Variants in TSPAN19 observed in about 807,000 individuals in gnomAD.
TSPAN19 encodes tetraspanin-19.
Under a neutral mutation model 35.1 loss-of-function variants are expected in TSPAN19, and 44 were observed. The ratio of observed to expected loss-of-function variants is 1.25; its 90% CI spans 0.98 to 1.61. The LOEUF is 1.61. Among genes scored for constraint, TSPAN19 ranks in the 40% most tolerant of loss-of-function variants. TSPAN19 has a pLI of 0.00. For missense variants in TSPAN19, 290 were observed against 280.0 expected (o/e 1.04, Z -0.26); for synonymous variants, 79 against 92.0 (o/e 0.86, Z 0.81).
chr12:85,021,647 A>C (rs1877133129), intron 5 of TSPAN19, among the ~76,000 whole-genome samples: 1 of 152,132 alleles, frequency 6.6e-6, no homozygotes, highest in Non-Finnish European at 1.5e-5. Context: ...TTTGGTAAGC[A>C]TCTATGAAAG....
Position 85,029,763 on chromosome 12 carries a change from C to G in TSPAN19, c.95G>C (p.Gly32Ala). Residue 32 changes from glycine (G) to alanine (A), a missense_variant, in exon 3 of 9, where the codon GGT (glycine) becomes GCT (alanine). Physicochemically the swap from Gly to Ala is moderately conservative, Grantham distance 60. Transcript: ENST00000532498. The stretch of plus-strand genomic sequence containing the variant: ...ATTTCTATCTAATAAGAGCCATGCA[C>G]CAAATCCCATGAATAAAAGTCCAAG... ...LVLGLLFMGFGAWLLLDRNNF... is the reference protein window; with the variant it reads ...LVLGLLFMGFAAWLLLDRNNF... 6.5e-7 allele frequency: 1 copy of G among 1,543,766 alleles called. No individual in the cohort carries two copies. The highest frequency in any genetic ancestry group is 2.5e-5 in the East Asian group (1 of 40,756).
At chr12:85,025,519 C>CT (rs1400113615) in intron 4 of TSPAN19, among the ~76,000 whole-genome samples, 6 of 150,296 alleles carry the variant, frequency 4.0e-5, no homozygotes, top group Admixed American at 1.3e-4. Context: ...CATGGAATAG[C>CT]TTTTTTTGTT....
chr12:85,031,045 T>C (rs1877661389), intron 1 of TSPAN19, among the ~76,000 whole-genome samples: 1 of 152,100 alleles, frequency 6.6e-6, no homozygotes, highest in Admixed American at 6.6e-5. Context: ...GAAGGATCCT[T>C]TGAAAAGTGG....
intron 4 of TSPAN19, among the ~76,000 whole-genome samples, chr12:85,023,655 T>G (rs1160739213): frequency 6.6e-6 from 1 of 151,978 alleles, no homozygotes; most frequent in Non-Finnish European, 1.5e-5. Context: ...TCCAATAGAG[T>G]TGTCGATGAT....
intron 7 of TSPAN19, 148 bp downstream of exon 7, chr12:85,017,308 G>T (rs539252036): frequency 6.1e-6 from 4 of 650,676 alleles, no homozygotes; most frequent in East Asian, 2.9e-5. Context: ...ACCTAATTAC[G>T]TGTTCAACTT....
chr12:85,032,168 T>C (rs1338323876), intron 1 of TSPAN19, among the ~76,000 whole-genome samples: 3 of 152,170 alleles, frequency 2.0e-5, no homozygotes, highest in Non-Finnish European at 4.4e-5. Flanking sequence ...CTGTGGGTTA[T>C]GTCTCATAAG....
chr12:85,029,900 A>G lies in TSPAN19; in HGVS notation c.47T>C (p.Leu16Pro), dbSNP rs1276179892. 1 of 1,471,244 alleles carries G rather than the reference A, an allele frequency of 6.8e-7. No homozygotes were observed. The highest frequency in any genetic ancestry group is 9.2e-7 in the Non-Finnish European group (1 of 1,085,752). 91.1% of individuals were successfully genotyped at this position (1,471,244 alleles called of 1,614,324 possible). A position where few individuals can be genotyped will look rare whatever the true frequency, so the allele number is the denominator to read the frequency against. Residue 16 changes from leucine (L) to proline (P), a missense_variant, in exon 2 of 9, where the codon CTC (leucine) becomes CCC (proline). Leu to Pro is a moderately conservative substitution (Grantham distance 98). Transcript: ENST00000532498. ...TCTTACCAAGAAAGCTCCATTAATG[A>G]GATTAAGAAAGTACTTAATAATTAT... ...KTIIIKYFLN[L>P]INGAFLVLGL... is the part of the protein sequence containing the mutation.
At chr12:85,019,603 T>C in intron 6 of TSPAN19, 23 bp downstream of exon 6, 2 of 1,459,898 alleles carry the variant, frequency 1.4e-6, no homozygotes, top group Non-Finnish European at 1.9e-6. Context: ...TGACATCTAA[T>C]TTTTTAGTTA....
chr12:85,028,005 A>G lies in TSPAN19; in HGVS notation c.158T>C (p.Ile53Thr). Residue 53 changes from isoleucine (I) to threonine (T), a missense_variant, in exon 4 of 9, where the codon ATA (isoleucine) becomes ACA (threonine). Physicochemically the swap from Ile to Thr is moderately conservative, Grantham distance 89. Transcript: ENST00000532498. ...AATCAAAATTTGAGAAATAGGTACT[A>G]TGAAGTGATTATTTTCATCTGTGAA... is the stretch of plus-strand genomic sequence containing the variant. ...LTAFDENNHF[I>T]VPISQILIGM... 3.2e-6 allele frequency: 5 copies of G among 1,574,316 alleles called. No individual in the cohort carries two copies. The highest frequency in any genetic ancestry group is 4.3e-6 in the Non-Finnish European group (5 of 1,155,802).
chr12:85,033,820 A>G (rs1877790856), intron 1 of TSPAN19, among the ~76,000 whole-genome samples: 1 of 152,146 alleles, frequency 6.6e-6, no homozygotes, highest in South Asian at 2.1e-4. Flanking sequence ...TTGTAATAGT[A>G]CATGCCTCAA....
intron 4 of TSPAN19, 79 bp downstream of exon 4, chr12:85,027,820 T>C: frequency 5.1e-6 from 7 of 1,369,814 alleles, no homozygotes; most frequent in Admixed American, 2.5e-5. Context: ...CATGCTAATA[T>C]AAATCAGTAT....
rs1206673076 is a variant in TSPAN19, at chr12:85,014,533, AC to A, written c.700del (p.Val234PhefsTer10). ...TSEVFQVSLT[V>X]CFFKNIKNII... is the part of the protein sequence containing the mutation. ...ATTCTTGATGTTTTTGAAGAAACAA[AC>A]TGTTAATGAGACTTGGAAAACCTGG... On this transcript the variant is annotated frameshift_variant, in exon 9 of 9. Transcript: ENST00000532498. LOFTEE classifies it high-confidence loss of function. The A allele has an allele frequency of 5.0e-6, 8 of 1,601,648 alleles. No homozygotes were observed. Among genetic ancestry groups the A allele is most frequent in the Non-Finnish European group, 6.8e-6 (8 of 1,173,296 alleles).
At chr12:85,032,996 T>G (rs1255178419) in intron 1 of TSPAN19, among the ~76,000 whole-genome samples, 2 of 152,144 alleles carry the variant, frequency 1.3e-5, no homozygotes, top group Admixed American at 1.3e-4. Context: ...TGTTATTGTT[T>G]TTATATTCTA....
chr12:85,029,635 G>T, intron 3 of TSPAN19, 84 bp downstream of exon 3: 2 of 1,036,190 alleles, frequency 1.9e-6, no homozygotes, highest in Non-Finnish European at 2.8e-6. Context: ...GAGAAATACT[G>T]CCACCTGCTG....
intron 4 of TSPAN19, among the ~76,000 whole-genome samples, chr12:85,026,076 G>A (rs1877395623): frequency 6.6e-6 from 1 of 152,094 alleles, no homozygotes; most frequent in South Asian, 2.1e-4. Context: ...CGTCTATCAG[G>A]CTTTCTCATT....
intron 7 of TSPAN19, 81 bp downstream of exon 7, chr12:85,017,375 T>C: frequency 7.9e-7 from 1 of 1,271,552 alleles, no homozygotes; most frequent in Non-Finnish European, 1.1e-6. Context: ...ATATAAAAAT[T>C]TGCTCAGAAT....
chr12:85,023,484 T>G, intron 4 of TSPAN19, 84 bp from the exon 5 acceptor site: 1 of 1,087,782 alleles, frequency 9.2e-7, no homozygotes, highest in South Asian at 1.5e-5. Context: ...CACACACCAT[T>G]GGAAATATGC....
Position 85,014,399 on chromosome 12 carries a change from A to G in TSPAN19, c.*88T>C. 1.1e-6 allele frequency: 1 copy of G among 883,264 alleles called. No individual in the cohort carries two copies. Among genetic ancestry groups the G allele is most frequent in the Non-Finnish European group, 1.7e-6 (1 of 574,268 alleles). The allele number at this position is 883,264 out of a possible 1,614,324, so 54.7% of individuals were successfully genotyped here. On this transcript the variant is annotated 3_prime_UTR_variant, in exon 9 of 9. Transcript: ENST00000532498. ...AATTTGAATACATCTGTTATTTAAT[A>G]CAATTCAAAACGTTTTTGGAATAAA...
chr12:85,027,324 G>T (rs186721038), intron 4 of TSPAN19, among the ~76,000 whole-genome samples: 2 of 152,190 alleles, frequency 1.3e-5, no homozygotes, highest in East Asian at 3.9e-4. Flanking sequence ...AAAAGTAACT[G>T]CTGGGTACTA....
Sources: allele counts gnomAD v4.1 joint callset (sites outside exome capture counted in the v4.1 genomes callset), GRCh38; gene constraint gnomAD v4.1.1; transcripts MANE v1.5; gene names NCBI Gene and HGNC (gene_info 2026-07-23, HGNC 2026-07-21).